The following POLR3F variants were observed in gnomAD, a reference collection of about 807,000 sequenced individuals.
The protein encoded by POLR3F is DNA-directed RNA polymerase III subunit RPC6.
Under a neutral mutation model 43.6 loss-of-function variants are expected in POLR3F, and 31 were observed. The observed-to-expected ratio is 0.71, with a 90% CI of 0.53 to 0.96. The LOEUF (loss-of-function observed/expected upper bound fraction) is 0.96. POLR3F is among the 40% of genes least tolerant of loss of function. The probability of loss-of-function intolerance (pLI) is 0.00; values close to 1 mark genes in which losing one functional copy is unlikely to be tolerated. For synonymous variants in POLR3F, 114 were observed against 132.5 expected (o/e 0.86, Z 0.96); for missense variants, 316 against 391.7 (o/e 0.81, Z 1.63).
chr20:18,476,529 T>G (rs1322958928), intron 5 of POLR3F, among the ~76,000 whole-genome samples: 1 of 152,218 alleles, frequency 6.6e-6, no homozygotes, highest in Non-Finnish European at 1.5e-5. Flanking sequence ...TAAAATAATC[T>G]TAGATCTCAG....
chr20:18,478,218 C>CT (rs775165488), intron 5 of POLR3F, among the ~76,000 whole-genome samples: 360 of 140,948 alleles, frequency 2.6e-3, no homozygotes, highest in Non-Finnish European at 2.8e-3. Flanking sequence ...AAATTTTTTT[C>CT]TTTTTTTTTT....
chr20:18,483,190 G>T (rs571045478), intron 8 of POLR3F, among the ~76,000 whole-genome samples: 1 of 151,972 alleles, frequency 6.6e-6, no homozygotes, highest in East Asian at 1.9e-4. Context: ...TCAGCCTCCC[G>T]AGTAGCTGGG....
chr20:18,475,247 AAGTT>A, intron 5 of POLR3F, 60 bp downstream of exon 5: 2 of 694,106 alleles, frequency 2.9e-6, no homozygotes, highest in South Asian at 3.3e-5. Context: ...TTTATTCTTG[AAGTT>A]ATGTCATGAT....
chr20:18,482,672 C>G (rs541899049), intron 8 of POLR3F, among the ~76,000 whole-genome samples: 39 of 152,268 alleles, frequency 2.6e-4, no homozygotes, highest in African/African-American at 8.7e-4. Flanking sequence ...ATGCTCTAGG[C>G]ACTAAGGATA....
intron 2 of POLR3F, among the ~76,000 whole-genome samples, chr20:18,472,278 G>A (rs2059757368): frequency 6.6e-6 from 1 of 152,118 alleles, no homozygotes; most frequent in African/African-American, 2.4e-5. Flanking sequence ...CCAGGCTGGA[G>A]TGCAGTGGTG....
At chr20:18,473,485 A>G (rs1160027456) in intron 4 of POLR3F, 27 bp downstream of exon 4, 10 of 1,166,158 alleles carry the variant, frequency 8.6e-6, no homozygotes, top group South Asian at 6.1e-5. Context: ...TGAAGCAGAA[A>G]AAAACATTGT....
chr20:18,483,460 ATTTT>A lies in POLR3F; in HGVS notation c.874-15_874-12del, dbSNP rs760995338. On this transcript the variant is annotated splice_polypyrimidine_tract_variant and intron_variant, in intron 8 of 8. Coordinates refer to ENST00000377603, the MANE Select transcript of POLR3F (RefSeq NM_006466.4). The stretch of plus-strand genomic sequence containing the variant: ...ATTTTAAAACTTTAATTTGAATATA[ATTTT>A]TTTTTCTTTTTTAAAGGTTTTTGAT... 2.1e-4 allele frequency: 246 copies of A among 1,174,682 alleles called. 1 individual carries two copies. In the South Asian group the frequency reaches 3.2e-3, roughly 15 times the overall value. 72.8% of individuals were successfully genotyped at this position (1,174,682 alleles called of 1,614,324 possible).
chr20:18,479,615 T>TA (rs1178158620), intron 5 of POLR3F, among the ~76,000 whole-genome samples: 1 of 152,152 alleles, frequency 6.6e-6, no homozygotes, highest in African/African-American at 2.4e-5. Flanking sequence ...AGTGTGGGAA[T>TA]AACAATGAAG....
At chr20:18,481,983 CTTTTTTTT>C (rs56160449) in intron 8 of POLR3F, among the ~76,000 whole-genome samples, 173 bp downstream of exon 8, 1 of 74,328 alleles carries the variant, frequency 1.3e-5, no homozygotes, top group Non-Finnish European at 2.6e-5. Context: ...CATTCCTTTA[CTTTTTTTT>C]TTTTTTTTTT....
intron 5 of POLR3F, 116 bp from the exon 6 acceptor site, chr20:18,479,922 C>G: frequency 1.5e-6 from 1 of 681,718 alleles, no homozygotes; most frequent in East Asian, 2.7e-5. Flanking sequence ...TATAGGAGCT[C>G]TGTGTACTAT....
intron 2 of POLR3F, chr20:18,469,405 C>G (rs1281131539): frequency 2.0e-5 from 4 of 196,918 alleles, no homozygotes; most frequent in African/African-American, 6.9e-5. Flanking sequence ...TCCTGGTTCT[C>G]AGACCTTCAG....
At chr20:18,478,860 C>T (rs1054517308) in intron 5 of POLR3F, among the ~76,000 whole-genome samples, 12 of 151,884 alleles carry the variant, frequency 7.9e-5, no homozygotes, top group Admixed American at 3.3e-4. Context: ...ATGCTCCTGA[C>T]GGCTGGGCAG....
chr20:18,476,314 T>A (rs1157923476), intron 5 of POLR3F, among the ~76,000 whole-genome samples: 4 of 152,234 alleles, frequency 2.6e-5, no homozygotes, highest in African/African-American at 9.6e-5. Flanking sequence ...TATTATAGAT[T>A]TGCCTATTCT....
chr20:18,475,596 C>G (rs939432589), intron 5 of POLR3F, among the ~76,000 whole-genome samples: 4 of 152,180 alleles, frequency 2.6e-5, no homozygotes, highest in African/African-American at 9.7e-5. Flanking sequence ...AGCTTCTCTT[C>G]TAGTACACGT....
At chr20:18,477,233 AAAATT>A (rs1208915351) in intron 5 of POLR3F, among the ~76,000 whole-genome samples, 2 of 152,242 alleles carry the variant, frequency 1.3e-5, no homozygotes, top group Non-Finnish European at 2.9e-5. Context: ...AAATTAAAAT[AAAATT>A]TAGTATAGTG....
At chr20:18,475,283 G>T in intron 5 of POLR3F, 96 bp downstream of exon 5, 1 of 571,480 alleles carries the variant, frequency 1.7e-6, no homozygotes, top group Non-Finnish European at 3.2e-6. Flanking sequence ...GGTCAAAAAA[G>T]ACTTAAAAAT....
intron 5 of POLR3F, among the ~76,000 whole-genome samples, chr20:18,479,090 A>G (rs1278452533): frequency 6.6e-6 from 1 of 151,720 alleles, no homozygotes; most frequent in Non-Finnish European, 1.5e-5. Context: ...GGTTGCAGTA[A>G]GCTGAGATCG....
At position 18,484,423 on chromosome 20, in the gene POLR3F, A is replaced by G; in HGVS notation, c.*865A>G. 1 of 305,720 alleles carries G rather than the reference A, an allele frequency of 3.3e-6. No individual in the cohort carries two copies. Among genetic ancestry groups the G allele is most frequent in the Non-Finnish European group, 6.0e-6 (1 of 167,648 alleles). The allele number at this position is 305,720 out of a possible 1,614,324, so 18.9% of individuals were successfully genotyped here. ...GTATTTGGAGGTGGGGCTTTTGGTA[A>G]GTGATAGGTCAGGAGAGTAACAGCG... On this transcript the variant is annotated 3_prime_UTR_variant, in exon 9 of 9. Transcript: ENST00000377603.
At chr20:18,479,917 G>C in intron 5 of POLR3F, 121 bp from the exon 6 acceptor site, 1 of 649,446 alleles carries the variant, frequency 1.5e-6, no homozygotes, top group Non-Finnish European at 2.6e-6. Flanking sequence ...ATGTATATAG[G>C]AGCTCTGTGT....
Sources: gnomAD v4.1 joint callset for allele counts (sites outside exome capture counted in the v4.1 genomes callset) on GRCh38, gnomAD v4.1.1 for gene constraint, MANE v1.5 for transcripts, NCBI Gene and HGNC (gene_info 2026-07-23, HGNC 2026-07-21) for gene names.